The following TRABD2B variants were observed in gnomAD, a reference collection of about 807,000 sequenced individuals.
TRABD2B encodes metalloprotease TIKI2.
TRABD2B carries 14 observed loss-of-function variants against 40.1 expected under a neutral mutation model. That is an observed-to-expected ratio of 0.35 (90% CI 0.23 to 0.55). TRABD2B has a LOEUF of 0.55. Ranked by LOEUF, TRABD2B falls within the 20% of genes least tolerant of loss-of-function variation. The pLI is 0.90. For synonymous variants in TRABD2B, 263 were observed against 277.0 expected, an observed-to-expected ratio of 0.95 and a Z score of 0.50; for missense variants, 541 against 648.6, an observed-to-expected ratio of 0.83 and a Z score of 1.80.
At chr1:47,863,680 G>A (rs2124563856) in intron 2 of TRABD2B, among the ~76,000 whole-genome samples, 1 of 152,194 alleles carries the variant, frequency 6.6e-6, no homozygotes, top group East Asian at 1.9e-4. Flanking sequence ...AGCCACTTTG[G>A]AAGATGGTTA....
intron 2 of TRABD2B, among the ~76,000 whole-genome samples, chr1:47,989,775 AACAC>A (rs1418139213): frequency 8.2e-6 from 1 of 121,936 alleles, no homozygotes; most frequent in African/African-American, 3.3e-5. Context: ...CACACACACA[AACAC>A]ACACACACAC....
At chr1:47,924,616 G>A (rs544454128) in intron 2 of TRABD2B, among the ~76,000 whole-genome samples, 1 of 152,276 alleles carries the variant, frequency 6.6e-6, no homozygotes, top group East Asian at 1.9e-4. Context: ...GGTGCCAACA[G>A]AACCCAGGGT....
At chr1:47,874,568 G>A (rs1341926410) in intron 2 of TRABD2B, among the ~76,000 whole-genome samples, 9 of 101,148 alleles carry the variant, frequency 8.9e-5, no homozygotes, top group South Asian at 8.3e-4. Flanking sequence ...CACCGCGCCC[G>A]GCCTTTTTTT....
At chr1:47,794,875 G>A (rs55812379) in intron 3 of TRABD2B, 115 bp from the exon 4 acceptor site, 33,329 of 1,012,018 alleles carry the variant, frequency 0.033, 721 homozygotes, top group Non-Finnish European at 0.039. Flanking sequence ...TCAACTCTCT[G>A]GCTCAAGCCA....
intron 2 of TRABD2B, among the ~76,000 whole-genome samples, chr1:47,882,452 G>A (rs1460483424): frequency 2.0e-5 from 3 of 152,224 alleles, no homozygotes; most frequent in African/African-American, 7.2e-5. Flanking sequence ...TAGGGTTGCG[G>A]GTGAGGGGGT....
chr1:47,832,605 A>C (rs1341463380), intron 2 of TRABD2B, among the ~76,000 whole-genome samples: 1 of 152,170 alleles, frequency 6.6e-6, no homozygotes, highest in Non-Finnish European at 1.5e-5. Context: ...CAGGTGCTGA[A>C]GGGCTGCACT....
At chr1:47,901,968 G>A (rs1644606425) in intron 2 of TRABD2B, among the ~76,000 whole-genome samples, 1 of 152,076 alleles carries the variant, frequency 6.6e-6, no homozygotes, top group Admixed American at 6.5e-5. Context: ...CTAGAAACAG[G>A]CAGCTACTGT....
intron 2 of TRABD2B, among the ~76,000 whole-genome samples, chr1:47,909,493 AG>A (rs1644723991): frequency 1.0e-4 from 1 of 9,972 alleles, no homozygotes; most frequent in Admixed American, 8.9e-4. Flanking sequence ...AAGGAGAAGG[AG>A]GAGAAGGAGG....
At chr1:47,783,441 G>A (rs1644553275) in intron 4 of TRABD2B, among the ~76,000 whole-genome samples, 1 of 152,184 alleles carries the variant, frequency 6.6e-6, no homozygotes, top group Non-Finnish European at 1.5e-5. Context: ...GAGAGGAGGG[G>A]CTCATGTATC....
chr1:47,988,636 A>T (rs1360917382), intron 2 of TRABD2B, among the ~76,000 whole-genome samples: 1 of 152,204 alleles, frequency 6.6e-6, no homozygotes, highest in African/African-American at 2.4e-5. Context: ...GCCAAAGACA[A>T]GCCTGCCAGC....
chr1:47,911,317 G>A (rs1015331599), intron 2 of TRABD2B, among the ~76,000 whole-genome samples: 2 of 152,170 alleles, frequency 1.3e-5, no homozygotes, highest in African/African-American at 4.8e-5. Flanking sequence ...ACTCTGCACA[G>A]GCCTGGGGAG....
At chr1:47,775,550 G>T in intron 5 of TRABD2B, 111 bp from the exon 6 acceptor site, 1 of 1,127,170 alleles carries the variant, frequency 8.9e-7, no homozygotes, top group Non-Finnish European at 1.1e-6. Flanking sequence ...GAAAGTGCCA[G>T]GGTGCCCCTG....
intron 2 of TRABD2B, among the ~76,000 whole-genome samples, chr1:47,981,931 G>A (rs1395710575): frequency 6.6e-6 from 1 of 152,170 alleles, no homozygotes; most frequent in Non-Finnish European, 1.5e-5. Context: ...CTGAGAGGCA[G>A]GAACCCCAGG....
chr1:47,935,598 A>G (rs1248301279), intron 2 of TRABD2B, among the ~76,000 whole-genome samples: 3 of 152,244 alleles, frequency 2.0e-5, no homozygotes, highest in Non-Finnish European at 2.9e-5. Flanking sequence ...AGAGGACTCA[A>G]AAAAGCAATG....
chr1:47,779,594 G>A (rs1203309594), intron 4 of TRABD2B, among the ~76,000 whole-genome samples: 1 of 152,202 alleles, frequency 6.6e-6, no homozygotes, highest in East Asian at 1.9e-4. Flanking sequence ...AGGAGGCCCA[G>A]TGGCTCTGGA....
chr1:47,778,613 C>A (rs1161895782), intron 4 of TRABD2B, 69 bp from the exon 5 acceptor site: 54 of 1,172,674 alleles, frequency 4.6e-5, no homozygotes, highest in Non-Finnish European at 6.3e-5. Context: ...CTGCCCCAGG[C>A]CATCCCCTAA....
chr1:47,982,238 A>T (rs1040558666), intron 2 of TRABD2B, among the ~76,000 whole-genome samples: 1 of 152,186 alleles, frequency 6.6e-6, no homozygotes, highest in East Asian at 1.9e-4. Context: ...TTTGTACAGA[A>T]TGGGCTTCAC....
rs141419108 is a variant in TRABD2B at position 47,866,618 on chromosome 1, T to C, written c.667-64999A>G. ...CAGCACAAACTTCCCAAACCCTTCC[T>C]AGTCTAGGAGAGTCCTGGAAAATTC... On this transcript the variant is annotated intron_variant, in intron 2 of 6. Coordinates refer to ENST00000606738, the MANE Select transcript of TRABD2B (RefSeq NM_001194986.2). 1.9e-3 allele frequency among the ~76,000 whole-genome samples: 290 copies of C among 152,226 alleles called. 1 individual carries two copies. The highest frequency in any genetic ancestry group is 6.0e-3 in the African/African-American group (248 of 41,544).
chr1:47,946,952 A>G (rs926268958), intron 2 of TRABD2B, among the ~76,000 whole-genome samples: 1 of 150,568 alleles, frequency 6.6e-6, no homozygotes, highest in Non-Finnish European at 1.5e-5. Context: ...TTTTTTCCAT[A>G]TGGAGGTAAA....
Sources: allele counts gnomAD v4.1 joint callset (sites outside exome capture counted in the v4.1 genomes callset), GRCh38; gene constraint gnomAD v4.1.1; transcripts MANE v1.5; gene names NCBI Gene and HGNC (gene_info 2026-07-23, HGNC 2026-07-21).